Variants in NTNG1 observed in about 807,000 individuals in gnomAD.
The protein encoded by NTNG1 is netrin G1, also known as netrin-G1.
In NTNG1, 16 loss-of-function variants were observed where a neutral mutation model predicts 54.0. The ratio of observed to expected loss-of-function variants is 0.30; its 90% CI spans 0.20 to 0.45. NTNG1 has a LOEUF of 0.45. NTNG1 is among the 20% of genes least tolerant of loss of function. The pLI, the probability that NTNG1 is intolerant of heterozygous loss-of-function variation, is 1.00. For missense variants in NTNG1, 530 were observed against 678.7 expected (o/e 0.78, Z 2.43); for synonymous variants, 255 against 263.1 (o/e 0.97, Z 0.30).
intron 7 of NTNG1, among the ~76,000 whole-genome samples, chr1:107,463,955 A>G (rs915812224): frequency 6.6e-6 from 1 of 152,158 alleles, no homozygotes; most frequent in Non-Finnish European, 1.5e-5. Flanking sequence ...TTTATTTCCT[A>G]GACTATATAA....
At chr1:107,350,419 T>G (rs1026490213) in intron 3 of NTNG1, among the ~76,000 whole-genome samples, 1 of 152,206 alleles carries the variant, frequency 6.6e-6, no homozygotes, top group African/African-American at 2.4e-5. Context: ...ATGATGATTA[T>G]GTTTTTGTGT....
chr1:107,363,468 T>C (rs1670408956), intron 3 of NTNG1, among the ~76,000 whole-genome samples: 1 of 152,232 alleles, frequency 6.6e-6, no homozygotes, highest in African/African-American at 2.4e-5. Flanking sequence ...TTCAACATCA[T>C]GCCTAATTTC....
intron 2 of NTNG1, among the ~76,000 whole-genome samples, chr1:107,153,654 C>A (rs1428098498): frequency 6.6e-6 from 1 of 152,182 alleles, no homozygotes; most frequent in Admixed American, 6.5e-5. Context: ...TCAAGTATTT[C>A]CTTTTTGAGG....
At chr1:107,326,659 T>G (rs1417034640) in intron 3 of NTNG1, among the ~76,000 whole-genome samples, 3 of 152,076 alleles carry the variant, frequency 2.0e-5, no homozygotes, top group African/African-American at 7.2e-5. Context: ...GCTCGGTAGA[T>G]TCATCTAGGT....
chr1:107,177,687 A>C (rs565917058), intron 2 of NTNG1, among the ~76,000 whole-genome samples: 25 of 152,262 alleles, frequency 1.6e-4, no homozygotes, highest in African/African-American at 6.0e-4. Context: ...ATTTTTCTCC[A>C]TAACTCTAGA....
intron 7 of NTNG1, among the ~76,000 whole-genome samples, chr1:107,447,389 C>T (rs1676369007): frequency 6.6e-6 from 1 of 152,002 alleles, no homozygotes; most frequent in Admixed American, 6.6e-5. Context: ...CAGAGGCCAC[C>T]ATCACTGCAT....
At chr1:107,165,556 A>G (rs758842780) in intron 2 of NTNG1, among the ~76,000 whole-genome samples, 10 of 152,128 alleles carry the variant, frequency 6.6e-5, no homozygotes, top group Non-Finnish European at 1.5e-4. Context: ...TCTGCCCCCC[A>G]CATCAGATTG....
At chr1:107,197,350 C>T (rs1191504882) in intron 2 of NTNG1, among the ~76,000 whole-genome samples, 1 of 151,980 alleles carries the variant, frequency 6.6e-6, no homozygotes, top group Non-Finnish European at 1.5e-5. Context: ...TCATTAGACA[C>T]AATCTAATGA....
In NTNG1 at chr1:107,148,679, A is replaced by G. The variant is rs770933690; in HGVS notation, c.86A>G (p.His29Arg). Residue 29 changes from histidine to arginine, a missense_variant, in exon 2 of 8, where the codon CAT (histidine) becomes CGT (arginine). His to Arg is a conservative substitution (Grantham distance 29). Transcript: ENST00000370068. ...CAGCCCTACCCTTTGGTTTGGGGAC[A>G]TTATGATTTGTGTAAGACTCAGATT... ...VMQPYPLVWG[H>R]YDLCKTQIYT... is the part of the protein sequence containing the mutation. 1.2e-6 allele frequency: 2 copies of G among 1,613,686 alleles called. No individual in the cohort carries two copies. Among genetic ancestry groups the G allele is most frequent in the East Asian group, 4.5e-5 (2 of 44,864 alleles).
intron 5 of NTNG1, among the ~76,000 whole-genome samples, chr1:107,427,085 T>C (rs977457082): frequency 2.6e-5 from 4 of 152,070 alleles, no homozygotes; most frequent in African/African-American, 7.2e-5. Flanking sequence ...TCCTACAGGA[T>C]CTTTTGGCTT....
At chr1:107,354,468 C>CAAAAAAAAAAAAAAAAAAAAAAAAAAA (rs398049560) in intron 3 of NTNG1, among the ~76,000 whole-genome samples, 1 of 66,126 alleles carries the variant, frequency 1.5e-5, no homozygotes. Flanking sequence ...GACTCCATCT[C>CAAAAAAAAAAAAAAAAAAAAAAAAAAA]AAAAAAAAAA....
At chr1:107,341,327 C>T (rs1002705462) in intron 3 of NTNG1, among the ~76,000 whole-genome samples, 1 of 151,930 alleles carries the variant, frequency 6.6e-6, no homozygotes, top group Non-Finnish European at 1.5e-5. Flanking sequence ...TTAATGTGCA[C>T]TTATCTGTCT....
At chr1:107,370,816 A>T (rs1670878260) in intron 3 of NTNG1, among the ~76,000 whole-genome samples, 1 of 152,064 alleles carries the variant, frequency 6.6e-6, no homozygotes, top group Non-Finnish European at 1.5e-5. Flanking sequence ...ATATTTTGTC[A>T]AATTTAATCG....
At chr1:107,155,060 T>C (rs1246997211) in intron 2 of NTNG1, among the ~76,000 whole-genome samples, 13 of 152,126 alleles carry the variant, frequency 8.5e-5, no homozygotes, top group Admixed American at 5.2e-4. Flanking sequence ...ACTTGCAAAG[T>C]GTGAGAAGCA....
chr1:107,421,010 G>T, intron 5 of NTNG1: 2 of 992,028 alleles, frequency 2.0e-6, no homozygotes, highest in South Asian at 1.4e-5. Flanking sequence ...CAAGTGGGTT[G>T]GTGATAAGTT....
intron 2 of NTNG1, among the ~76,000 whole-genome samples, chr1:107,227,436 C>T (rs1169082847): frequency 6.6e-6 from 1 of 152,146 alleles, no homozygotes; most frequent in Admixed American, 6.6e-5. Flanking sequence ...GAATGCCCTG[C>T]TTTCCAACTC....
At chr1:107,454,074 G>A (rs1446262508) in intron 7 of NTNG1, among the ~76,000 whole-genome samples, 2 of 152,044 alleles carry the variant, frequency 1.3e-5, no homozygotes, top group African/African-American at 4.8e-5. Flanking sequence ...TCTAATATTG[G>A]ACCACAGCCC....
chr1:107,299,302 A>G (rs530955108), intron 2 of NTNG1, among the ~76,000 whole-genome samples: 1 of 152,316 alleles, frequency 6.6e-6, no homozygotes, highest in Admixed American at 6.5e-5. Flanking sequence ...TACTTAGGTC[A>G]TGTACTTAGG....
chr1:107,305,023 G>A (rs1355847333), intron 2 of NTNG1, among the ~76,000 whole-genome samples: 1 of 152,146 alleles, frequency 6.6e-6, no homozygotes, highest in Non-Finnish European at 1.5e-5. Context: ...TGCTGAGAAT[G>A]ATGGTTTCCA....
Sources: allele counts gnomAD v4.1 joint callset (sites outside exome capture counted in the v4.1 genomes callset), GRCh38; gene constraint gnomAD v4.1.1; transcripts MANE v1.5; gene names NCBI Gene and HGNC (gene_info 2026-07-23, HGNC 2026-07-21).